Variants in PDGFC observed in about 807,000 individuals in gnomAD.
PDGFC encodes the protein platelet derived growth factor C.
Under a neutral mutation model 35.5 loss-of-function variants are expected in PDGFC, and 12 were observed. That is an observed-to-expected ratio of 0.34 (90% confidence interval 0.22 to 0.55). The LOEUF (loss-of-function observed/expected upper bound fraction) is 0.55, where lower values mean the gene tolerates loss of function less well. Ranked by LOEUF, PDGFC falls within the 20% of genes least tolerant of loss-of-function variation. The pLI is 0.91. For synonymous variants in PDGFC, 159 were observed against 148.8 expected, an observed-to-expected ratio of 1.07 and a Z score of -0.50; for missense variants, 322 against 412.4, an observed-to-expected ratio of 0.78 and a Z score of 1.90.
intron 2 of PDGFC, among the ~76,000 whole-genome samples, chr4:156,823,865 TG>T (rs1339791790): frequency 2.0e-5 from 3 of 152,238 alleles, no homozygotes; most frequent in African/African-American, 7.2e-5. Context: ...ATAAGGAAAG[TG>T]TAGTATATAT....
intron 1 of PDGFC, among the ~76,000 whole-genome samples, chr4:156,889,941 A>C (rs1185032111): frequency 6.6e-6 from 1 of 152,158 alleles, no homozygotes; most frequent in African/African-American, 2.4e-5. Flanking sequence ...TATTGGGGGG[A>C]AAGCTATGTG....
intron 1 of PDGFC, among the ~76,000 whole-genome samples, chr4:156,916,754 T>C (rs1731164276): frequency 6.6e-6 from 1 of 152,326 alleles, no homozygotes; most frequent in Non-Finnish European, 1.5e-5. Flanking sequence ...TTACAGCTGC[T>C]GAGCCTTTGG....
intron 1 of PDGFC, among the ~76,000 whole-genome samples, chr4:156,854,349 T>A (rs1026639866): frequency 1.1e-4 from 17 of 152,174 alleles, no homozygotes; most frequent in Admixed American, 3.3e-4. Flanking sequence ...ATAAAGCGCA[T>A]GGCTAAAATA....
At chr4:156,848,697 A>G (rs894058146) in intron 2 of PDGFC, among the ~76,000 whole-genome samples, 6 of 152,174 alleles carry the variant, frequency 3.9e-5, no homozygotes, top group African/African-American at 1.4e-4. Context: ...CTATTTTTGT[A>G]AGATCACACA....
chr4:156,817,272 C>CAAA (rs1191710146), intron 2 of PDGFC, among the ~76,000 whole-genome samples: 2 of 151,852 alleles, frequency 1.3e-5, no homozygotes, highest in African/African-American at 2.4e-5. Context: ...GAGATATAAT[C>CAAA]AAAATTAAAG....
intron 4 of PDGFC, among the ~76,000 whole-genome samples, chr4:156,771,162 C>T (rs757838236): frequency 1.3e-5 from 2 of 152,110 alleles, no homozygotes; most frequent in Admixed American, 6.6e-5. Context: ...GTTCAGCTTC[C>T]GATGCTTTTG....
intron 1 of PDGFC, among the ~76,000 whole-genome samples, chr4:156,906,293 C>G (rs1730914189): frequency 3.3e-5 from 5 of 151,946 alleles, no homozygotes; most frequent in African/African-American, 1.2e-4. Context: ...CCCTTTTTTC[C>G]ATTTCAATTA....
At chr4:156,777,534 C>G (rs1386847441) in intron 3 of PDGFC, among the ~76,000 whole-genome samples, 2 of 152,106 alleles carry the variant, frequency 1.3e-5, no homozygotes, top group Non-Finnish European at 2.9e-5. Flanking sequence ...TCTGAAGACA[C>G]AGGAAGAAAA....
intron 1 of PDGFC, among the ~76,000 whole-genome samples, chr4:156,889,203 T>C (rs1730446619): frequency 6.6e-6 from 1 of 152,156 alleles, no homozygotes; most frequent in East Asian, 1.9e-4. Context: ...CACATTATTA[T>C]TTTTTTCTCA....
intron 1 of PDGFC, among the ~76,000 whole-genome samples, chr4:156,894,711 A>G (rs1194606505): frequency 6.6e-6 from 1 of 152,194 alleles, no homozygotes. Flanking sequence ...ACTGCATAGG[A>G]AATTGAAAGA....
intron 5 of PDGFC, among the ~76,000 whole-genome samples, chr4:156,766,730 T>C (rs1246000994): frequency 1.3e-5 from 2 of 152,106 alleles, no homozygotes; most frequent in East Asian, 1.9e-4. Context: ...AACCTAAACA[T>C]GCATGGTTTC....
At chr4:156,768,337 T>C (rs1333191810) in intron 4 of PDGFC, among the ~76,000 whole-genome samples, 1 of 150,112 alleles carries the variant, frequency 6.7e-6, no homozygotes, top group East Asian at 1.9e-4. Context: ...AAAATAGACA[T>C]GGAGAACACA....
intron 1 of PDGFC, among the ~76,000 whole-genome samples, chr4:156,880,320 T>A (rs1288885530): frequency 6.6e-6 from 1 of 152,068 alleles, no homozygotes; most frequent in African/African-American, 2.4e-5. Flanking sequence ...AAATACTAGA[T>A]CCTTTAAGAA....
chr4:156,837,828 A>G (rs917935658), intron 2 of PDGFC, among the ~76,000 whole-genome samples: 4 of 152,198 alleles, frequency 2.6e-5, no homozygotes. Flanking sequence ...GTTGGGAGTT[A>G]CAGGACACTT....
intron 2 of PDGFC, among the ~76,000 whole-genome samples, chr4:156,848,129 G>A (rs764644426): frequency 2.3e-4 from 34 of 150,532 alleles, no homozygotes; most frequent in East Asian, 1.9e-4. Flanking sequence ...AAGCAGGCAT[G>A]ATAAAAAGGT....
intron 2 of PDGFC, among the ~76,000 whole-genome samples, chr4:156,821,118 G>C (rs188129947): frequency 1.6e-3 from 250 of 152,066 alleles, no homozygotes; most frequent in Middle Eastern, 6.8e-3. Flanking sequence ...AGATGGCTTG[G>C]AGTATATATA....
chr4:156,865,544 G>A (rs1239030089), intron 1 of PDGFC, among the ~76,000 whole-genome samples: 1 of 152,104 alleles, frequency 6.6e-6, no homozygotes, highest in East Asian at 1.9e-4. Context: ...GGGCCATCTA[G>A]AATGAGCCAG....
At chr4:156,803,965 G>T (rs1035901090) in intron 3 of PDGFC, among the ~76,000 whole-genome samples, 3 of 152,172 alleles carry the variant, frequency 2.0e-5, no homozygotes, top group Admixed American at 2.0e-4. Context: ...AACAGACACT[G>T]ACCGTTGACA....
intron 1 of PDGFC, among the ~76,000 whole-genome samples, chr4:156,897,381 T>C (rs970946430): frequency 2.7e-5 from 4 of 150,536 alleles, no homozygotes; most frequent in African/African-American, 9.9e-5. Flanking sequence ...TGTGTGTGTG[T>C]GTCAAAAGCA....
Sources: gnomAD v4.1 joint callset for allele counts (sites outside exome capture counted in the v4.1 genomes callset) on GRCh38, gnomAD v4.1.1 for gene constraint, MANE v1.5 for transcripts, NCBI Gene and HGNC (gene_info 2026-07-23, HGNC 2026-07-21) for gene names.